UGT8: variants seen among roughly 807,000 people sequenced by gnomAD.
The protein encoded by UGT8 is UDP glycosyltransferase 8.
UGT8 carries 12 observed loss-of-function variants against 40.5 expected under a neutral mutation model. The observed-to-expected ratio is 0.30, with a 90% CI of 0.19 to 0.48. The LOEUF is 0.48. Among genes scored for constraint, UGT8 ranks in the 20% least tolerant of loss-of-function variants. The pLI is 0.99. For missense variants in UGT8, 513 were observed against 648.7 expected (o/e 0.79, Z 2.27); for synonymous variants, 224 against 240.4 (o/e 0.93, Z 0.63).
chr4:114,626,363 A>G (rs1041456284), intron 2 of UGT8, among the ~76,000 whole-genome samples: 4 of 152,218 alleles, frequency 2.6e-5, no homozygotes, highest in Non-Finnish European at 4.4e-5. Context: ...CACATGATTC[A>G]CATATAGCAG....
intron 1 of UGT8, among the ~76,000 whole-genome samples, chr4:114,606,977 A>C (rs1457156052): frequency 6.6e-6 from 1 of 152,174 alleles, no homozygotes; most frequent in Non-Finnish European, 1.5e-5. Context: ...GTTTACTAGG[A>C]ATATTGGTGG....
In UGT8 at chr4:114,664,180, A is replaced by G. The variant is rs200952929; in HGVS notation, c.965+43A>G. ...ATTGTTTCTTTGCTATTGACAATCA[A>G]TATCTCCTTGTTTAGTGCACAGGTC... On this transcript the variant is annotated intron_variant, in intron 3 of 5. Transcript: ENST00000310836. The G allele has an allele frequency of 2.4e-5, 39 of 1,604,348 alleles. No homozygotes were observed. In the East Asian group the frequency reaches 2.5e-4, roughly 10 times the overall value.
At chr4:114,649,471 T>G (rs1286622174) in intron 2 of UGT8, among the ~76,000 whole-genome samples, 1 of 152,166 alleles carries the variant, frequency 6.6e-6, no homozygotes, top group Non-Finnish European at 1.5e-5. Flanking sequence ...ATAAAGGAAG[T>G]TCTGAGATAA....
intron 2 of UGT8, among the ~76,000 whole-genome samples, chr4:114,640,747 T>C (rs1318718844): frequency 6.6e-6 from 1 of 152,136 alleles, no homozygotes; most frequent in Non-Finnish European, 1.5e-5. Context: ...AGAGAGATTG[T>C]GCAGAAAAAT....
chr4:114,655,280 AG>A (rs1262963072), intron 2 of UGT8, among the ~76,000 whole-genome samples: 3 of 152,076 alleles, frequency 2.0e-5, no homozygotes, highest in Non-Finnish European at 4.4e-5. Context: ...GGGAATAGCA[AG>A]GGTCTGCAAT....
At chr4:114,608,582 A>G (rs1041646176) in intron 1 of UGT8, among the ~76,000 whole-genome samples, 1 of 152,072 alleles carries the variant, frequency 6.6e-6, no homozygotes, top group Admixed American at 6.6e-5. Context: ...GGATTGCTAC[A>G]TTATTTAGTC....
chr4:114,627,447 A>G (rs1462823958), intron 2 of UGT8, among the ~76,000 whole-genome samples: 1 of 151,850 alleles, frequency 6.6e-6, no homozygotes, highest in African/African-American at 2.4e-5. Flanking sequence ...TTTAGTAGAG[A>G]TGGAGTTTCA....
At chr4:114,665,537 G>T in intron 3 of UGT8, 143 bp from the exon 4 acceptor site, 1 of 1,293,986 alleles carries the variant, frequency 7.7e-7, no homozygotes, top group Non-Finnish European at 1.0e-6. Context: ...AATATTTGCT[G>T]TTACCAAAGC....
At position 114,603,658 on chromosome 4, in the gene UGT8, G is replaced by T. The variant is rs775585777; in HGVS notation, c.-3+4684G>T. 6.6e-5 allele frequency among the ~76,000 whole-genome samples: 10 copies of T among 152,212 alleles called. No individual in the cohort carries two copies. The South Asian group carries it at 1.5e-3, about 22-fold the overall frequency. ...ACAGTCTCGGTTCCCACCCCCTCTC[G>T]AGCCCCGAATAGCTCTGTGACCTTG... On this transcript the variant is annotated intron_variant, in intron 1 of 5. Transcript: ENST00000310836.
Position 114,623,295 on chromosome 4 carries a change from C to G in UGT8, c.415C>G (p.Pro139Ala). The stretch of plus-strand genomic sequence containing the variant: ...AAAATTTGACCTGCTGCTGGTGGAC[C>G]CTAATGATATGTGTGGATTTGTGAT... ...KEKFDLLLVD[P>A]NDMCGFVIAH... Residue 139 changes from proline to alanine, a missense_variant, in exon 2 of 6, where the codon CCT becomes GCT. Physicochemically the swap from Pro to Ala is conservative, Grantham distance 27. Around this residue, in one of 3 missense-constraint regions of UGT8, gnomAD observed 335 missense variants for 444.8 expected, o/e 0.75. Coordinates refer to ENST00000310836, the MANE Select transcript of UGT8 (RefSeq NM_001128174.3). 6.2e-7 allele frequency: 1 copy of G among 1,614,020 alleles called. No individual in the cohort carries two copies. The highest frequency in any genetic ancestry group is 1.6e-4 in the Middle Eastern group (1 of 6,062).
intron 1 of UGT8, among the ~76,000 whole-genome samples, chr4:114,602,033 T>C (rs1730473454): frequency 6.6e-6 from 1 of 152,200 alleles, no homozygotes; most frequent in African/African-American, 2.4e-5. Flanking sequence ...GACTGTGAAC[T>C]GAAATGTTTA....
intron 2 of UGT8, among the ~76,000 whole-genome samples, chr4:114,640,936 A>T (rs1435678579): frequency 6.6e-6 from 1 of 152,140 alleles, no homozygotes; most frequent in East Asian, 1.9e-4. Context: ...TATCTTAGAA[A>T]ATATCACCAA....
chr4:114,616,635 G>A (rs1049182679), intron 1 of UGT8, among the ~76,000 whole-genome samples: 2 of 152,074 alleles, frequency 1.3e-5, no homozygotes, highest in Non-Finnish European at 2.9e-5. Flanking sequence ...ACTCCCCAGT[G>A]AGATGAACCC....
intron 2 of UGT8, among the ~76,000 whole-genome samples, chr4:114,650,281 A>G (rs1733822926): frequency 6.6e-6 from 1 of 152,208 alleles, no homozygotes; most frequent in Non-Finnish European, 1.5e-5. Flanking sequence ...TTTTGCAAAT[A>G]GCACTTATTA....
chr4:114,658,285 C>A (rs34695716), intron 2 of UGT8, among the ~76,000 whole-genome samples: 101,873 of 151,882 alleles, frequency 0.67, 35,977 homozygotes, highest in East Asian at 0.95. Context: ...CCAACACCCA[C>A]CCCCCTCATC....
intron 2 of UGT8, among the ~76,000 whole-genome samples, chr4:114,626,785 C>A (rs1201673817): frequency 6.6e-6 from 1 of 152,128 alleles, no homozygotes; most frequent in Non-Finnish European, 1.5e-5. Context: ...TACTTACTTA[C>A]AATTGTGTAT....
chr4:114,620,170 T>C (rs1200775149), intron 1 of UGT8, among the ~76,000 whole-genome samples: 1 of 152,202 alleles, frequency 6.6e-6, no homozygotes, highest in Non-Finnish European at 1.5e-5. Flanking sequence ...TTTTAAGTTA[T>C]TTATGATAGA....
intron 2 of UGT8, among the ~76,000 whole-genome samples, chr4:114,651,583 A>G (rs1301741395): frequency 6.6e-6 from 1 of 152,096 alleles, no homozygotes; most frequent in African/African-American, 2.4e-5. Context: ...AACATATCTT[A>G]GATTCATAAG....
chr4:114,641,981 T>C (rs1008801968), intron 2 of UGT8, among the ~76,000 whole-genome samples: 2 of 152,154 alleles, frequency 1.3e-5, no homozygotes, highest in East Asian at 3.8e-4. Flanking sequence ...GTTTATAAGT[T>C]GGAAATTTAC....
Sources: gnomAD v4.1 joint callset for allele counts (sites outside exome capture counted in the v4.1 genomes callset) on GRCh38, gnomAD v4.1.1 for gene constraint, gnomAD v4.1.1 regional missense constraint, MANE v1.5 for transcripts, NCBI Gene and HGNC (gene_info 2026-07-23, HGNC 2026-07-21) for gene names.